Variants in CD47 observed in about 807,000 individuals in gnomAD.
The protein encoded by CD47 is leukocyte surface antigen CD47.
In CD47, 11 loss-of-function variants were observed where a neutral mutation model predicts 44.6. The ratio of observed to expected loss-of-function variants is 0.25; its 90% CI spans 0.16 to 0.41. CD47 has a LOEUF of 0.41. Ranked by LOEUF, CD47 falls within the 10% of genes least tolerant of loss-of-function variation. The pLI is 1.00. For synonymous variants in CD47, 140 were observed against 136.3 expected (o/e 1.03, Z -0.19); for missense variants, 306 against 386.7 (o/e 0.79, Z 1.75).
Position 108,071,136 on chromosome 3 carries a change from TG to T in CD47, c.446del (p.Pro149GlnfsTer36). The T allele has an allele frequency of 1.3e-6, 2 of 1,508,070 alleles. No individual in the cohort carries two copies. The highest frequency in any genetic ancestry group is 1.8e-6 in the Non-Finnish European group (2 of 1,100,680). 93.4% of individuals were successfully genotyped at this position (1,508,070 alleles called of 1,614,324 possible). On this transcript the variant is annotated frameshift_variant, in exon 3 of 11. Coordinates refer to ENST00000361309, the MANE Select transcript of CD47 (RefSeq NM_001777.4). LOFTEE classifies it high-confidence loss of function. ...CCCAGAACAGGAGTATAGCAAAAAT[TG>T]GGAAAATAACAATAAGAATATTTTC... ...PNENILIVIF[P>X]IFAILLFWGQ... is the part of the protein sequence containing the mutation.
At chr3:108,081,005 T>C (rs2079407843) in intron 1 of CD47, among the ~76,000 whole-genome samples, 1 of 151,898 alleles carries the variant, frequency 6.6e-6, no homozygotes, top group African/African-American at 2.4e-5. Context: ...ACATTTTGTA[T>C]GGGAGTCTTG....
chr3:108,058,809 T>C (rs2078961990), intron 5 of CD47, among the ~76,000 whole-genome samples: 1 of 152,224 alleles, frequency 6.6e-6, no homozygotes, highest in South Asian at 2.1e-4. Flanking sequence ...ACTGTAAACA[T>C]CATGCTCTCT....
chr3:108,064,651 A>G (rs1471568255), intron 3 of CD47, among the ~76,000 whole-genome samples: 1 of 152,172 alleles, frequency 6.6e-6, no homozygotes. Context: ...CCATCCAACA[A>G]AACCCAAAAC....
chr3:108,075,309 C>T (rs949611649), intron 2 of CD47, among the ~76,000 whole-genome samples: 3 of 152,092 alleles, frequency 2.0e-5, no homozygotes, highest in African/African-American at 7.2e-5. Context: ...TGCTTTCAAG[C>T]TGAAGTGTTA....
At chr3:108,069,516 T>G (rs1000660041) in intron 3 of CD47, among the ~76,000 whole-genome samples, 9 of 151,712 alleles carry the variant, frequency 5.9e-5, no homozygotes, top group Non-Finnish European at 8.8e-5. Flanking sequence ...GATGAGTTTT[T>G]TTTTTTTTTT....
chr3:108,056,989 G>A (rs2078922840), intron 7 of CD47, among the ~76,000 whole-genome samples: 2 of 152,128 alleles, frequency 1.3e-5, no homozygotes, highest in Admixed American at 1.3e-4. Context: ...TTGATAGATT[G>A]TGAATTTTAA....
rs112107025 is a variant in CD47, at chr3:108,062,842, G to T, written c.491-1990C>A. On this transcript the variant is annotated intron_variant, in intron 3 of 10. Coordinates refer to ENST00000361309, the MANE Select transcript of CD47 (RefSeq NM_001777.4). Reference sequence around the variant, plus strand: ...TTCTTTTTTTTTTTTTTTTAGTAGAGACGGGGTTTCACATTGTTGGCCAGG... The same window carrying T: ...TTCTTTTTTTTTTTTTTTTAGTAGATACGGGGTTTCACATTGTTGGCCAGG... 4.5e-3 allele frequency among the ~76,000 whole-genome samples: 666 copies of T among 147,418 alleles called. 4 individuals are homozygous for T. Among genetic ancestry groups the T allele is most frequent in the African/African-American group, 0.016 (626 of 40,060 alleles).
chr3:108,090,296 G>A (rs1366868229), intron 1 of CD47, among the ~76,000 whole-genome samples: 2 of 152,176 alleles, frequency 1.3e-5, no homozygotes, highest in African/African-American at 4.8e-5. Context: ...TGAATGCTGA[G>A]TTGAAAATGA....
chr3:108,089,509 T>C (rs2079587037), intron 1 of CD47, among the ~76,000 whole-genome samples: 1 of 152,252 alleles, frequency 6.6e-6, no homozygotes, highest in Admixed American at 6.5e-5. Context: ...TGGTTCAATA[T>C]GAAGGCGTTC....
intron 3 of CD47, among the ~76,000 whole-genome samples, 181 bp downstream of exon 3, chr3:108,070,912 C>G (rs1445150297): frequency 2.0e-5 from 3 of 152,070 alleles, no homozygotes; most frequent in African/African-American, 7.2e-5. Flanking sequence ...TAAAAGTGAA[C>G]TGCAGCAAAA....
Position 108,058,409 on chromosome 3 carries a change from C to A in CD47, c.712G>T (p.Val238Phe). 1 of 1,564,528 alleles carries A rather than the reference C, an allele frequency of 6.4e-7. No homozygotes were observed. Among genetic ancestry groups the A allele is most frequent in the East Asian group, 2.3e-5 (1 of 43,346 alleles). Residue 238 changes from valine (V) to phenylalanine (F), a missense_variant, in exon 6 of 11, where the codon GTC (valine) becomes TTC (phenylalanine). Val to Phe is a conservative substitution (Grantham distance 50). Around this residue, in one of 5 missense-constraint regions of CD47, gnomAD observed 131 missense variants for 135.3 expected, o/e 0.97. Transcript: ENST00000361309. ...ACCTGAATAACCAATATGGCAATGA[C>A]GAAGGAGGTTAATCCAATCGCTGGA... is the stretch of plus-strand genomic sequence containing the variant. ...FSTAIGLTSF[V>F]IAILVIQVIA...
chr3:108,089,633 C>A (rs1257411397), intron 1 of CD47, among the ~76,000 whole-genome samples: 2 of 152,064 alleles, frequency 1.3e-5, no homozygotes, highest in Non-Finnish European at 2.9e-5. Context: ...CTAACATCAA[C>A]CATTTAGATA....
At chr3:108,084,234 CA>C (rs2108271366) in intron 1 of CD47, among the ~76,000 whole-genome samples, 1 of 152,106 alleles carries the variant, frequency 6.6e-6, no homozygotes, top group East Asian at 1.9e-4. Flanking sequence ...CAGCTCTTGC[CA>C]AAGTCACCAC....
chr3:108,059,938 C>G (rs2108234692), intron 4 of CD47, among the ~76,000 whole-genome samples: 1 of 152,326 alleles, frequency 6.6e-6, no homozygotes, highest in East Asian at 1.9e-4. Context: ...ACCAATAGAG[C>G]TGCCAAGCCC....
chr3:108,068,628 A>T (rs2079144639), intron 3 of CD47, among the ~76,000 whole-genome samples: 1 of 152,158 alleles, frequency 6.6e-6, no homozygotes, highest in African/African-American at 2.4e-5. Flanking sequence ...CGGCTGGGTG[A>T]TTGCGGGCAA....
chr3:108,088,454 C>T (rs775006772), intron 1 of CD47, among the ~76,000 whole-genome samples: 4 of 152,062 alleles, frequency 2.6e-5, no homozygotes, highest in African/African-American at 7.2e-5. Context: ...ACTGCTGGGG[C>T]GGCCCCATAA....
At chr3:108,076,273 A>G (rs2079309349) in intron 2 of CD47, among the ~76,000 whole-genome samples, 1 of 152,194 alleles carries the variant, frequency 6.6e-6, no homozygotes, top group Non-Finnish European at 1.5e-5. Flanking sequence ...CTTCATTATA[A>G]ACAGACCATA....
chr3:108,075,313 A>G (rs1028146242), intron 2 of CD47, among the ~76,000 whole-genome samples: 1 of 152,180 alleles, frequency 6.6e-6, no homozygotes, highest in African/African-American at 2.4e-5. Flanking sequence ...TTCAAGCTGA[A>G]GTGTTATTAA....
intron 10 of CD47, among the ~76,000 whole-genome samples, chr3:108,048,029 C>T (rs1245524873): frequency 6.6e-6 from 1 of 151,570 alleles, no homozygotes; most frequent in Admixed American, 6.6e-5. Context: ...AGAACAATGA[C>T]ACCACCAAGG....
Sources: gnomAD v4.1 joint callset for allele counts (sites outside exome capture counted in the v4.1 genomes callset) on GRCh38, gnomAD v4.1.1 for gene constraint, gnomAD v4.1.1 regional missense constraint, MANE v1.5 for transcripts, NCBI Gene and HGNC (gene_info 2026-07-23, HGNC 2026-07-21) for gene names.